The following NALF1 variants were observed in gnomAD, a reference collection of about 807,000 sequenced individuals.
The protein encoded by NALF1 is family with sequence similarity 155 member A.
In NALF1, 3 loss-of-function variants were observed where a neutral mutation model predicts 48.4. That is an observed-to-expected ratio of 0.06 (90% CI 0.03 to 0.16). The LOEUF (loss-of-function observed/expected upper bound fraction) is 0.16, where lower values mean the gene tolerates loss of function less well. NALF1 is among the 10% of genes least tolerant of loss of function. NALF1 has a pLI of 1.00. For missense variants in NALF1, 526 were observed against 571.5 expected (o/e 0.92, Z 0.81); for synonymous variants, 262 against 245.7 (o/e 1.07, Z -0.62).
intron 1 of NALF1, among the ~76,000 whole-genome samples, chr13:107,590,233 T>C (rs1431571315): frequency 6.6e-6 from 1 of 152,030 alleles, no homozygotes. Flanking sequence ...ATATTCAACA[T>C]CTGACTTGCA....
chr13:107,523,803 C>T (rs1250033592), intron 1 of NALF1, among the ~76,000 whole-genome samples: 1 of 151,926 alleles, frequency 6.6e-6, no homozygotes, highest in Non-Finnish European at 1.5e-5. Context: ...GGATTGATTT[C>T]TTTTCTGATT....
chr13:107,828,603 C>CACACA (rs1566498088), intron 1 of NALF1, among the ~76,000 whole-genome samples: 13 of 36,040 alleles, frequency 3.6e-4, no homozygotes, highest in Non-Finnish European at 7.7e-4. Flanking sequence ...ATATCTATAT[C>CACACA]TATACACACA....
intron 1 of NALF1, among the ~76,000 whole-genome samples, chr13:107,496,131 A>G (rs1294278987): frequency 1.3e-5 from 2 of 152,182 alleles, no homozygotes; most frequent in East Asian, 3.8e-4. Context: ...TTAGAATTGT[A>G]AACTACCTTG....
intron 1 of NALF1, among the ~76,000 whole-genome samples, chr13:107,625,462 G>C (rs1879643590): frequency 6.6e-6 from 1 of 152,042 alleles, no homozygotes; most frequent in African/African-American, 2.4e-5. Flanking sequence ...ATGTCAAAAA[G>C]TATCTTAGGG....
At chr13:107,714,726 C>T (rs1181352734) in intron 1 of NALF1, among the ~76,000 whole-genome samples, 1 of 151,272 alleles carries the variant, frequency 6.6e-6, no homozygotes, top group Non-Finnish European at 1.5e-5. Context: ...GAGTTTATTT[C>T]CTATGAGTTT....
At chr13:107,232,677 A>C (rs1880251879) in intron 1 of NALF1, among the ~76,000 whole-genome samples, 1 of 152,064 alleles carries the variant, frequency 6.6e-6, no homozygotes, top group Admixed American at 6.5e-5. Context: ...TGAAATGATG[A>C]GGCACTTGCT....
At chr13:107,307,041 A>C (rs1445884988) in intron 1 of NALF1, among the ~76,000 whole-genome samples, 1 of 152,212 alleles carries the variant, frequency 6.6e-6, no homozygotes, top group East Asian at 1.9e-4. Context: ...GCCTGACTTT[A>C]TATGTTTCTT....
intron 1 of NALF1, among the ~76,000 whole-genome samples, chr13:107,826,283 T>TTG (rs1337822417): frequency 9.3e-5 from 14 of 150,606 alleles, no homozygotes; most frequent in African/African-American, 3.4e-4. Context: ...GTGCATGTAT[T>TTG]TGTGTGTGTG....
intron 1 of NALF1, among the ~76,000 whole-genome samples, chr13:107,525,718 C>T (rs1249202587): frequency 6.6e-6 from 1 of 152,076 alleles, no homozygotes; most frequent in African/African-American, 2.4e-5. Flanking sequence ...CTCTACTATT[C>T]TGTGCTGTTT....
chr13:107,615,784 C>T (rs971837242), intron 1 of NALF1, among the ~76,000 whole-genome samples: 6 of 152,160 alleles, frequency 3.9e-5, no homozygotes, highest in African/African-American at 1.4e-4. Context: ...ATAAACCCTC[C>T]TAAGAGTGAT....
rs1339657749 is a variant in NALF1, at chr13:107,210,754, ATCTG to A, written c.916-3_916del. ...GGAACAGAGCCAGGCTTTGTAGACAATCTGAAAAAAAGAGAAGAATGAAAAATAT... is the reference window on the plus strand; with the variant it reads ...GGAACAGAGCCAGGCTTTGTAGACAAAAAAAAAGAGAAGAATGAAAAATAT... On this transcript the variant is annotated splice_acceptor_variant and splice_polypyrimidine_tract_variant and coding_sequence_variant and intron_variant, in exon 2 of 3. Coordinates refer to ENST00000375915, the MANE Select transcript of NALF1 (RefSeq NM_001080396.3). LOFTEE classifies it high-confidence loss of function. The A allele has an allele frequency of 1.2e-6, 2 of 1,609,424 alleles. No individual in the cohort carries two copies. The highest frequency in any genetic ancestry group is 1.3e-5 in the African/African-American group (1 of 74,872).
intron 1 of NALF1, among the ~76,000 whole-genome samples, chr13:107,424,291 C>T (rs182696742): frequency 1.3e-5 from 2 of 152,248 alleles, no homozygotes; most frequent in South Asian, 2.1e-4. Context: ...GTGCACACCA[C>T]CATGCCTGGC....
chr13:107,843,183 A>G (rs1237975943), intron 1 of NALF1, among the ~76,000 whole-genome samples: 1 of 152,228 alleles, frequency 6.6e-6, no homozygotes, highest in East Asian at 1.9e-4. Context: ...AATGCTCCAG[A>G]TAGTATTCTA....
At chr13:107,259,314 G>T (rs1195435356) in intron 1 of NALF1, among the ~76,000 whole-genome samples, 2 of 152,138 alleles carry the variant, frequency 1.3e-5, no homozygotes, top group East Asian at 1.9e-4. Flanking sequence ...GAGTCCCAGG[G>T]ATCTATCACT....
chr13:107,490,385 A>G (rs1201966119), intron 1 of NALF1, among the ~76,000 whole-genome samples: 3 of 152,226 alleles, frequency 2.0e-5, no homozygotes, highest in African/African-American at 7.2e-5. Flanking sequence ...TGCAGTCATA[A>G]AAAAGAACAA....
chr13:107,408,349 T>C (rs1200302798), intron 1 of NALF1, among the ~76,000 whole-genome samples: 1 of 152,102 alleles, frequency 6.6e-6, no homozygotes, highest in Non-Finnish European at 1.5e-5. Flanking sequence ...CTGATGTGAT[T>C]ATTACGCGTT....
chr13:107,208,177 T>C (rs999402493), intron 2 of NALF1, among the ~76,000 whole-genome samples: 12 of 152,232 alleles, frequency 7.9e-5, no homozygotes, highest in Non-Finnish European at 1.3e-4. Context: ...AAACATAAAA[T>C]GAACATTAAC....
intron 1 of NALF1, among the ~76,000 whole-genome samples, chr13:107,309,794 T>A (rs1882009758): frequency 6.6e-6 from 1 of 152,246 alleles, no homozygotes; most frequent in Non-Finnish European, 1.5e-5. Context: ...ATTGCTTATT[T>A]AATGGATTTG....
At chr13:107,233,911 A>T (rs1383206217) in intron 1 of NALF1, among the ~76,000 whole-genome samples, 1 of 152,232 alleles carries the variant, frequency 6.6e-6, no homozygotes, top group Non-Finnish European at 1.5e-5. Flanking sequence ...TTATTACACC[A>T]TGCAAGCTTA....
Sources: gnomAD v4.1 joint callset for allele counts (sites outside exome capture counted in the v4.1 genomes callset) on GRCh38, gnomAD v4.1.1 for gene constraint, MANE v1.5 for transcripts, NCBI Gene and HGNC (gene_info 2026-07-23, HGNC 2026-07-21) for gene names.